The following C2orf92 variants were observed in gnomAD, a reference collection of about 807,000 sequenced individuals.
C2orf92 encodes the protein uncharacterized protein C2orf92.
chr2:97,700,218 TTCTGTAAG>T (rs1676446812), intron 6 of C2orf92, among the ~76,000 whole-genome samples: 1 of 152,140 alleles, frequency 6.6e-6, no homozygotes, highest in African/African-American at 2.4e-5. Flanking sequence ...CTCTCACAAT[TTCTGTAAG>T]TCCTCAGAGG....
At chr2:97,667,577 C>T (rs1448881950), upstream of C2orf92, among the ~76,000 whole-genome samples, 1 of 151,672 alleles carries the variant, frequency 6.6e-6, no homozygotes, top group Non-Finnish European at 1.5e-5. Flanking sequence ...GGACTACAGG[C>T]GCCCACCACC....
At position 97,702,999 on chromosome 2, in the gene C2orf92, T is replaced by C. The variant is rs1676549061; in HGVS notation, c.*198T>C. On this transcript the variant is annotated 3_prime_UTR_variant, in exon 8 of 8. Coordinates refer to ENST00000627399, the MANE Select transcript of C2orf92 (RefSeq NM_001351368.2). ...CTTGTGGCAATATGGCACCGATGGCTGGCGTCGGTGAACCCGACAGACTAT... is the reference window on the plus strand; with the variant it reads ...CTTGTGGCAATATGGCACCGATGGCCGGCGTCGGTGAACCCGACAGACTAT... 2.6e-6 allele frequency: 1 copy of C among 389,382 alleles called. No homozygotes were observed. Among genetic ancestry groups the C allele is most frequent in the East Asian group, 3.6e-5 (1 of 27,562 alleles). 24.1% of individuals were successfully genotyped at this position (389,382 alleles called of 1,614,324 possible).
At chr2:97,702,194 C>A (rs946396381) in intron 7 of C2orf92, 8 of 152,122 alleles carry the variant, frequency 5.3e-5, no homozygotes, top group African/African-American at 1.4e-4. Flanking sequence ...AGTGTCCATC[C>A]CCACCCCTAC....
chr2:97,689,060 G>C, intron 4 of C2orf92, 67 bp downstream of exon 4: 1 of 398,264 alleles, frequency 2.5e-6, no homozygotes, highest in Non-Finnish European at 4.4e-6. Flanking sequence ...TCTTAAATGT[G>C]CTATACTATC....
At chr2:97,695,380 A>G (rs1676276209) in intron 5 of C2orf92, among the ~76,000 whole-genome samples, 1 of 152,174 alleles carries the variant, frequency 6.6e-6, no homozygotes, top group African/African-American at 2.4e-5. Context: ...CGCATATGAT[A>G]TCCTGTTTTC....
At chr2:97,669,946 T>C (rs1396597370) in intron 1 of C2orf92, 112 bp downstream of exon 1, 2 of 396,938 alleles carry the variant, frequency 5.0e-6, no homozygotes, top group African/African-American at 4.1e-5. Context: ...TTACCTACTC[T>C]ACCTTCTATA....
intron 2 of C2orf92, among the ~76,000 whole-genome samples, chr2:97,675,112 A>C (rs1675534277): frequency 6.6e-6 from 1 of 152,244 alleles, no homozygotes; most frequent in Non-Finnish European, 1.5e-5. Flanking sequence ...AGCTGGCCAC[A>C]TATGCAAAAA....
At chr2:97,679,837 C>CA (rs55696146) in intron 3 of C2orf92, among the ~76,000 whole-genome samples, 51,565 of 94,318 alleles carry the variant, frequency 0.55, 14,089 homozygotes, top group Non-Finnish European at 0.67. Context: ...AACTCTATCT[C>CA]AAAAAAAAAA....
At chr2:97,691,398 G>A (rs1028882501) in intron 5 of C2orf92, among the ~76,000 whole-genome samples, 4 of 152,260 alleles carry the variant, frequency 2.6e-5, no homozygotes, top group Admixed American at 6.5e-5. Context: ...GTGCTGCCCC[G>A]GAGGAATTCT....
At chr2:97,672,544 C>T (rs536908354) in intron 1 of C2orf92, 2 of 151,996 alleles carry the variant, frequency 1.3e-5, no homozygotes, top group South Asian at 2.1e-4. Flanking sequence ...CCCAGTGTCT[C>T]TGAATTCGGC....
At chr2:97,686,640 C>T (rs1191150066) in intron 3 of C2orf92, among the ~76,000 whole-genome samples, 2 of 151,480 alleles carry the variant, frequency 1.3e-5, no homozygotes, top group East Asian at 2.0e-4. Flanking sequence ...AGGCTGGTCT[C>T]GAACTCCTGA....
chr2:97,665,555 T>G (rs1675178162), upstream of C2orf92, among the ~76,000 whole-genome samples: 1 of 151,946 alleles, frequency 6.6e-6, no homozygotes, highest in Non-Finnish European at 1.5e-5. Flanking sequence ...TAAACTCTTC[T>G]TATAGAGGGG....
Position 97,669,741 on chromosome 2 carries a change from C to T in C2orf92, c.-48C>T, listed in dbSNP as rs753358366. On this transcript the variant is annotated 5_prime_UTR_variant, in exon 1 of 8. Coordinates refer to ENST00000627399, the MANE Select transcript of C2orf92 (RefSeq NM_001351368.2). ...GTCCACAGCTGCTGAATCTGAAGGG[C>T]CATCAGAAGACTGGCTTCTCCATGA... is the stretch of plus-strand genomic sequence containing the variant. 4.5e-5 allele frequency: 18 copies of T among 398,500 alleles called. No homozygotes were observed. The highest frequency in any genetic ancestry group is 7.5e-5 in the Non-Finnish European group (17 of 226,086). 24.7% of individuals were successfully genotyped at this position (398,500 alleles called of 1,614,324 possible). A position where few individuals can be genotyped will look rare whatever the true frequency, so the allele number is the denominator to read the frequency against.
upstream of C2orf92, among the ~76,000 whole-genome samples, chr2:97,665,033 A>G (rs1162425950): frequency 6.6e-6 from 1 of 152,170 alleles, no homozygotes; most frequent in Non-Finnish European, 1.5e-5. Flanking sequence ...CCTTGCAACA[A>G]TATCAGGTAG....
Position 97,701,281 on chromosome 2 carries a change from A to G in C2orf92, c.642A>G (p.Ser214=). 5.0e-6 allele frequency: 2 copies of G among 399,036 alleles called. No individual in the cohort carries two copies. The highest frequency in any genetic ancestry group is 7.1e-5 in the East Asian group (2 of 28,068). The allele number at this position is 399,036 out of a possible 1,614,324, so 24.7% of individuals were successfully genotyped here. ...TGCTGTTGCTGCTTGGGTTGGCCTCATACATCAGGAAGAAACAGCCATCGT... is the reference window on the plus strand; with the variant it reads ...TGCTGTTGCTGCTTGGGTTGGCCTCGTACATCAGGAAGAAACAGCCATCGT... ...AIVLLLLGLA[S]YIRKKQPSSP... is the part of the protein sequence containing the mutation. The change falls in exon 7 of 8, where the codon TCA becomes TCG. Residue 214 remains serine, a synonymous_variant. Coordinates refer to ENST00000627399, the MANE Select transcript of C2orf92 (RefSeq NM_001351368.2).
intron 5 of C2orf92, among the ~76,000 whole-genome samples, chr2:97,691,810 C>T (rs1315399072): frequency 6.6e-6 from 1 of 152,120 alleles, no homozygotes; most frequent in Non-Finnish European, 1.5e-5. Context: ...ATCGCTTGAA[C>T]CCAGGAGGCA....
intron 4 of C2orf92, 90 bp from the exon 5 acceptor site, chr2:97,690,166 G>T (rs1332323316): frequency 1.8e-5 from 7 of 385,998 alleles, no homozygotes; most frequent in Non-Finnish European, 2.8e-5. Context: ...CCAAAAAATG[G>T]AATACAAAAT....
Position 97,701,221 on chromosome 2 carries a change from C to T in C2orf92, c.582C>T (p.Ala194=), listed in dbSNP as rs886896085. 2.0e-5 allele frequency: 8 copies of T among 398,996 alleles called. No homozygotes were observed. The highest frequency in any genetic ancestry group is 4.1e-5 in the African/African-American group (2 of 48,636). 24.7% of individuals were successfully genotyped at this position (398,996 alleles called of 1,614,324 possible). Residue 194 remains alanine (A), a synonymous_variant, in exon 7 of 8, where the codon GCC becomes GCT. Coordinates refer to ENST00000627399, the MANE Select transcript of C2orf92 (RefSeq NM_001351368.2). ...LHFLQRNTII[A]AVSGVAILMA... ...TCCTGCAGAGGAACACCATCATCGCCGCCGTCTCAGGGGTGGCCATCCTCA... is the reference window on the plus strand; with the variant it reads ...TCCTGCAGAGGAACACCATCATCGCTGCCGTCTCAGGGGTGGCCATCCTCA...
intron 5 of C2orf92, chr2:97,691,234 A>G (rs992130756): frequency 6.6e-6 from 1 of 152,330 alleles, no homozygotes; most frequent in African/African-American, 2.4e-5. Flanking sequence ...GGAGGAGCAG[A>G]TCAGAATGTT....
Sources: gnomAD v4.1 joint callset for allele counts (sites outside exome capture counted in the v4.1 genomes callset) on GRCh38, gnomAD v4.1.1 for gene constraint, MANE v1.5 for transcripts, NCBI Gene and HGNC (gene_info 2026-07-23, HGNC 2026-07-21) for gene names.